NUBP1: variants seen among roughly 807,000 people sequenced by gnomAD.
NUBP1 encodes the protein cytosolic Fe-S cluster assembly factor NUBP1.
In NUBP1, 46 loss-of-function variants were observed where a neutral mutation model predicts 41.8. The observed-to-expected ratio is 1.10, with a 90% confidence interval of 0.87 to 1.41. The LOEUF (loss-of-function observed/expected upper bound fraction) is 1.41, where lower values mean the gene tolerates loss of function less well. Ranked by LOEUF, NUBP1 falls within the 40% of genes most tolerant of loss-of-function variation. The pLI is 0.00. For synonymous variants in NUBP1, 189 were observed against 154.6 expected, an observed-to-expected ratio of 1.22 and a Z score of -1.65; for missense variants, 494 against 414.0, an observed-to-expected ratio of 1.19 and a Z score of -1.68.
chr16:10,764,986 A>C (rs1380237541), intron 9 of NUBP1: 1 of 165,330 alleles, frequency 6.0e-6, no homozygotes, highest in African/African-American at 2.4e-5. Flanking sequence ...TCCTGAGCCC[A>C]CTTACCCATC....
At chr16:10,747,637 G>GA (rs1035607514) in intron 3 of NUBP1, among the ~76,000 whole-genome samples, 11 of 150,630 alleles carry the variant, frequency 7.3e-5, no homozygotes, top group East Asian at 1.9e-4. Flanking sequence ...TGTCCAAGAA[G>GA]AAAAAAAAAT....
chr16:10,749,155 AC>A lies in NUBP1; in HGVS notation c.258+1880del, dbSNP rs1900201869. ...CACACACACACACACACACACACAC[AC>A]ACACACACACACACGTTGATTCGTC... On this transcript the variant is annotated intron_variant, in intron 3 of 10. Transcript: ENST00000283027. The surrounding 1 kb of genome is among the most constrained non-coding windows in gnomAD (Gnocchi z 4.1). Among the ~76,000 whole-genome samples the A allele has an allele frequency of 6.7e-6, 1 of 148,872 alleles. No homozygotes were observed. Among genetic ancestry groups the A allele is most frequent in the East Asian group, 1.9e-4 (1 of 5,166 alleles).
In NUBP1 at chr16:10,744,058, G is replaced by A; in HGVS notation, c.117G>A (p.Pro39=). 2 of 1,579,018 alleles carry A rather than the reference G, an allele frequency of 1.3e-6. No homozygotes were observed. Among genetic ancestry groups the A allele is most frequent in the African/African-American group, 1.4e-5 (1 of 73,266 alleles). The change falls in exon 2 of 11, where the codon CCG becomes CCA. Residue 39 remains proline, a synonymous_variant. Transcript: ENST00000283027. ...RLCASGAGAT[P]DTAIEEIKEK... ...GCGCTTCTGGAGCGGGGGCCACTCC[G>A]GACACGGGTGAGAAAAGGGCAAGGC...
At chr16:10,743,925 G>T in intron 1 of NUBP1, 36 bp from the exon 2 acceptor site, 1 of 1,583,566 alleles carries the variant, frequency 6.3e-7, no homozygotes, top group East Asian at 2.3e-5. Flanking sequence ...CGAAAGTGTC[G>T]GGAGCTGCTC....
chr16:10,760,183 C>T (rs1900844907), intron 7 of NUBP1, among the ~76,000 whole-genome samples: 1 of 152,236 alleles, frequency 6.6e-6, no homozygotes, highest in Non-Finnish European at 1.5e-5. Context: ...CAGGGATTGG[C>T]AAACTTTTCT....
At chr16:10,756,958 C>T (rs746249912) in intron 6 of NUBP1, among the ~76,000 whole-genome samples, 178 bp downstream of exon 6, 5 of 152,262 alleles carry the variant, frequency 3.3e-5, no homozygotes, top group South Asian at 2.1e-4. Context: ...TACCAGTTTC[C>T]ATTACGTAAT....
In NUBP1 at chr16:10,744,012, GA is replaced by G; in HGVS notation, c.72del (p.Cys25AlafsTer19). ...AQAGRGASCQGCPNQRLCASG... is the reference protein window; with the variant it reads ...AQAGRGASCQXCPNQRLCASG... ...GCGGGCAGAGGGGCTTCATGTCAGG[GA>G]TGCCCCAACCAGCGGCTGTGCGCTT... On this transcript the variant is annotated frameshift_variant, in exon 2 of 11. Transcript: ENST00000283027. LOFTEE classifies it high-confidence loss of function. 1 of 1,581,584 alleles carries G rather than the reference GA, an allele frequency of 6.3e-7. No homozygotes were observed. Among genetic ancestry groups the G allele is most frequent in the East Asian group, 2.3e-5 (1 of 42,978 alleles).
rs531437069 is a variant in NUBP1 at position 10,759,391 on chromosome 16, C to G, written c.606+1364C>G. Among the ~76,000 whole-genome samples the G allele has an allele frequency of 2.6e-5, 4 of 152,340 alleles. No homozygotes were observed. In the South Asian group the frequency reaches 8.3e-4, roughly 32 times the overall value. Reference sequence around the variant, plus strand: ...GAGGAGCAGGACACCAGCTGGGACCCTGGACAGGAGGGAGGATGGCCTGGC... The same window carrying G: ...GAGGAGCAGGACACCAGCTGGGACCGTGGACAGGAGGGAGGATGGCCTGGC... On this transcript the variant is annotated intron_variant, in intron 7 of 10. Coordinates refer to ENST00000283027, the MANE Select transcript of NUBP1 (RefSeq NM_002484.4). This position sits in a 1 kb window ranked among gnomAD's most constrained non-coding sequence, Gnocchi z 4.7.
chr16:10,753,107 G>A lies in NUBP1; in HGVS notation c.327+429G>A, dbSNP rs576843554. On this transcript the variant is annotated intron_variant, in intron 4 of 10. Transcript: ENST00000283027. ...CCGCACCTGGCCTGTAAATGTTTAT[G>A]TGGACATGAGGAGCTCATACATGCT... Among the ~76,000 whole-genome samples, 10 of 132,106 alleles carry A rather than the reference G, an allele frequency of 7.6e-5. No individual in the cohort carries two copies. In the East Asian group the frequency reaches 1.9e-3, roughly 25 times the overall value. The allele number at this position is 132,106 out of a possible 152,430, so 86.7% of individuals were successfully genotyped here.
At chr16:10,761,138 T>C (rs1215759494) in intron 7 of NUBP1, 7 of 429,044 alleles carry the variant, frequency 1.6e-5, no homozygotes, top group Non-Finnish European at 2.6e-5. Context: ...CATGATCCAA[T>C]CACCTCCCAC....
rs2031236327 is a variant in NUBP1 at position 10,768,501 on chromosome 16, G to A, written c.904+469G>A. The stretch of plus-strand genomic sequence containing the variant: ...GCATGCCTGTAGTCCCAGCTACTCA[G>A]GAGGCTGAGGCAGGAGAATCGCTTG... On this transcript the variant is annotated intron_variant, in intron 10 of 10. Coordinates refer to ENST00000283027, the MANE Select transcript of NUBP1 (RefSeq NM_002484.4). The surrounding 1 kb of genome is among the most constrained non-coding windows in gnomAD (Gnocchi z 4.3). The A allele has an allele frequency of 6.3e-6, 1 of 158,114 alleles. No homozygotes were observed. The highest frequency in any genetic ancestry group is 6.3e-5 in the Admixed American group (1 of 15,936). 9.8% of individuals were successfully genotyped at this position (158,114 alleles called of 1,614,324 possible).
At chr16:10,761,102 G>A (rs1900936258) in intron 7 of NUBP1, 3 of 341,796 alleles carry the variant, frequency 8.8e-6, no homozygotes, top group South Asian at 6.2e-5. Context: ...ACTCACTATC[G>A]AGACCAGCAT....
intron 3 of NUBP1, among the ~76,000 whole-genome samples, chr16:10,748,402 C>T (rs1043523880): frequency 1.3e-5 from 2 of 152,112 alleles, no homozygotes; most frequent in Non-Finnish European, 2.9e-5. Flanking sequence ...TGCATACAGA[C>T]GAGCATGAAA....
At chr16:10,756,542 C>A (rs989754181) in intron 5 of NUBP1, 148 bp from the exon 6 acceptor site, 3 of 473,058 alleles carry the variant, frequency 6.3e-6, no homozygotes, top group African/African-American at 2.1e-5. Context: ...GATTTAGGAG[C>A]AAAGAGTGAA....
At chr16:10,751,306 G>A (rs577544467) in intron 3 of NUBP1, among the ~76,000 whole-genome samples, 2 of 152,258 alleles carry the variant, frequency 1.3e-5, no homozygotes, top group African/African-American at 2.4e-5. Context: ...TCATTTCCCC[G>A]TGGATCATTG....
At chr16:10,758,439 G>A (rs1489652832) in intron 7 of NUBP1, among the ~76,000 whole-genome samples, 1 of 152,200 alleles carries the variant, frequency 6.6e-6, no homozygotes, top group African/African-American at 2.4e-5. Context: ...CGCCAGTGCA[G>A]TCCAGCCAGC....
intron 7 of NUBP1, 75 bp from the exon 8 acceptor site, chr16:10,761,289 C>A: frequency 7.4e-7 from 1 of 1,349,726 alleles, no homozygotes; most frequent in Non-Finnish European, 1.1e-6. Context: ...TGCATTGCAG[C>A]CATCCCCTCG....
At chr16:10,747,089 A>G in intron 2 of NUBP1, 54 bp from the exon 3 acceptor site, 2 of 1,603,950 alleles carry the variant, frequency 1.2e-6, no homozygotes, top group South Asian at 1.1e-5. Context: ...TGGAAGCGTG[A>G]CATTCGAGGT....
At chr16:10,751,033 C>G (rs781223039) in intron 3 of NUBP1, among the ~76,000 whole-genome samples, 9 of 152,184 alleles carry the variant, frequency 5.9e-5, no homozygotes, top group Non-Finnish European at 4.4e-5. Flanking sequence ...GAAGTCTGAA[C>G]AGACAGGACC....
Sources: gnomAD v4.1 joint callset for allele counts (sites outside exome capture counted in the v4.1 genomes callset) on GRCh38, gnomAD v4.1.1 for gene constraint, Gnocchi (gnomAD v3.1) non-coding constraint, MANE v1.5 for transcripts, NCBI Gene and HGNC (gene_info 2026-07-23, HGNC 2026-07-21) for gene names.